IL20RB: variants seen among roughly 807,000 people sequenced by gnomAD.
IL20RB encodes the protein interleukin 20 receptor subunit beta.
In IL20RB, 21 loss-of-function variants were observed where a neutral mutation model predicts 33.3. The observed-to-expected ratio is 0.63, with a 90% CI of 0.45 to 0.91. IL20RB has a LOEUF of 0.91. Ranked by LOEUF, IL20RB falls within the 40% of genes least tolerant of loss-of-function variation. IL20RB has a pLI of 0.00. For synonymous variants in IL20RB, 147 were observed against 146.8 expected (o/e 1.00, Z -0.01); for missense variants, 345 against 384.8 (o/e 0.90, Z 0.86).
At chr3:136,970,899 G>A (rs1020539122) in intron 1 of IL20RB, among the ~76,000 whole-genome samples, 11 of 151,976 alleles carry the variant, frequency 7.2e-5, no homozygotes, top group Non-Finnish European at 1.3e-4. Context: ...TGATCCGCCC[G>A]GCTCGGCCTC....
At chr3:137,009,343 A>G (rs1286610450) in intron 6 of IL20RB, among the ~76,000 whole-genome samples, 1 of 152,184 alleles carries the variant, frequency 6.6e-6, no homozygotes, top group Non-Finnish European at 1.5e-5. Flanking sequence ...TGATGTCTGC[A>G]TGTTTATAAC....
At chr3:136,973,528 A>G (rs1941542245) in intron 1 of IL20RB, among the ~76,000 whole-genome samples, 2 of 152,102 alleles carry the variant, frequency 1.3e-5, no homozygotes, top group African/African-American at 4.8e-5. Flanking sequence ...AAAAGAATAT[A>G]TATTCTGCAG....
chr3:137,005,557 C>T (rs745745894), intron 6 of IL20RB, among the ~76,000 whole-genome samples: 2 of 151,986 alleles, frequency 1.3e-5, no homozygotes, highest in African/African-American at 2.4e-5. Flanking sequence ...GTTGGTTTAA[C>T]GTCTGTTTTA....
intron 6 of IL20RB, among the ~76,000 whole-genome samples, chr3:137,002,324 T>C (rs890634187): frequency 1.3e-5 from 2 of 152,130 alleles, no homozygotes; most frequent in Non-Finnish European, 2.9e-5. Flanking sequence ...GGTAACTATA[T>C]TTCTAGATCC....
intron 3 of IL20RB, among the ~76,000 whole-genome samples, chr3:136,984,400 T>C (rs1315268392): frequency 2.0e-5 from 3 of 151,718 alleles, no homozygotes; most frequent in African/African-American, 4.8e-5. Flanking sequence ...GAGGATTGCA[T>C]GGAGGTAGGA....
At chr3:136,990,017 A>T (rs554264926) in intron 4 of IL20RB, among the ~76,000 whole-genome samples, 7 of 152,178 alleles carry the variant, frequency 4.6e-5, no homozygotes, top group African/African-American at 1.7e-4. Flanking sequence ...GCAGGGATCC[A>T]GGAGTTGGCT....
At chr3:137,000,185 G>A (rs745865676) in intron 6 of IL20RB, among the ~76,000 whole-genome samples, 5 of 152,164 alleles carry the variant, frequency 3.3e-5, no homozygotes, top group Non-Finnish European at 5.9e-5. Context: ...TTAGAAGAAA[G>A]ACTCAACTTT....
At position 136,989,540 on chromosome 3, in the gene IL20RB, A is replaced by G. The variant is rs749392436; in HGVS notation, c.506A>G (p.Tyr169Cys). 3.1e-6 allele frequency: 5 copies of G among 1,613,946 alleles called. No homozygotes were observed. The highest frequency in any genetic ancestry group is 1.3e-5 in the African/African-American group (1 of 75,036). Residue 169 changes from tyrosine to cysteine, a missense_variant, in exon 4 of 7, where the codon TAC becomes TGC. Coordinates refer to ENST00000329582, the MANE Select transcript of IL20RB (RefSeq NM_144717.4). Reference sequence around the variant, plus strand: ...CCCCAGTTTGAGTTCCTTGTGGCCTACTGGAGGAGGGAGCCTGGTGCCGAG... The same window carrying G: ...CCCCAGTTTGAGTTCCTTGTGGCCTGCTGGAGGAGGGAGCCTGGTGCCGAG... ...LGPQFEFLVA[Y>C]WRREPGAEEH...
intron 5 of IL20RB, among the ~76,000 whole-genome samples, 197 bp from the exon 6 acceptor site, chr3:136,995,217 C>A (rs1560075384): frequency 2.0e-5 from 3 of 152,186 alleles, no homozygotes; most frequent in Admixed American, 6.5e-5. Context: ...GGAAACCATG[C>A]CTTCATCTGG....
Position 136,982,229 on chromosome 3 carries a change from T to G in IL20RB, c.285T>G (p.Pro95=), listed in dbSNP as rs1941792354. The stretch of plus-strand genomic sequence containing the variant: ...GCTGGTGCTCACTCACTGAAGGTCC[T>G]GAGTGTGATGTCACTGATGACATCA... ...PSSWCSLTEG[P]ECDVTDDITA... Residue 95 remains proline, a synonymous_variant, in exon 3 of 7, where the codon CCT becomes CCG. Coordinates refer to ENST00000329582, the MANE Select transcript of IL20RB (RefSeq NM_144717.4). The G allele has an allele frequency of 6.2e-7, 1 of 1,609,802 alleles. No individual in the cohort carries two copies. Among genetic ancestry groups the G allele is most frequent in the African/African-American group, 1.3e-5 (1 of 74,854 alleles).
At chr3:136,988,513 G>A (rs1274468479) in intron 3 of IL20RB, among the ~76,000 whole-genome samples, 1 of 152,170 alleles carries the variant, frequency 6.6e-6, no homozygotes, top group Non-Finnish European at 1.5e-5. Flanking sequence ...CTCGAGGTGG[G>A]CGAACTGCTT....
At chr3:136,979,337 A>G (rs1941711085) in intron 1 of IL20RB, among the ~76,000 whole-genome samples, 1 of 152,210 alleles carries the variant, frequency 6.6e-6, no homozygotes, top group South Asian at 2.1e-4. Flanking sequence ...CTTTGTGGTC[A>G]CAGGGCTTGA....
At chr3:136,998,271 A>G (rs952702031) in intron 6 of IL20RB, among the ~76,000 whole-genome samples, 1 of 151,414 alleles carries the variant, frequency 6.6e-6, no homozygotes, top group Non-Finnish European at 1.5e-5. Flanking sequence ...GAGTTACAAT[A>G]TACATATTCT....
At chr3:136,987,660 C>T (rs894389725) in intron 3 of IL20RB, among the ~76,000 whole-genome samples, 4 of 152,104 alleles carry the variant, frequency 2.6e-5, no homozygotes, top group Non-Finnish European at 4.4e-5. Context: ...CGGGGAGGCT[C>T]GGGCCGCACA....
At chr3:136,963,537 C>G (rs1452901599) in intron 1 of IL20RB, among the ~76,000 whole-genome samples, 1 of 152,130 alleles carries the variant, frequency 6.6e-6, no homozygotes, top group East Asian at 1.9e-4. Flanking sequence ...TCCCTAATAG[C>G]TAATAGTGTG....
At chr3:136,971,468 C>T (rs1560066657) in intron 1 of IL20RB, among the ~76,000 whole-genome samples, 4 of 152,202 alleles carry the variant, frequency 2.6e-5, no homozygotes, top group Non-Finnish European at 5.9e-5. Context: ...ATTTAACCTA[C>T]GTCTCTTCAT....
At chr3:136,958,736 A>G (rs561469915) in intron 1 of IL20RB, among the ~76,000 whole-genome samples, 1 of 152,224 alleles carries the variant, frequency 6.6e-6, no homozygotes, top group Non-Finnish European at 1.5e-5. Flanking sequence ...GTGAGATTAC[A>G]TAGTTTTCTC....
At chr3:136,960,662 G>A (rs375802913) in intron 1 of IL20RB, among the ~76,000 whole-genome samples, 38 of 152,268 alleles carry the variant, frequency 2.5e-4, no homozygotes, top group South Asian at 6.2e-4. Flanking sequence ...CCACACATTA[G>A]GGATAGAGAC....
rs528852107 is a variant in IL20RB at position 137,004,550 on chromosome 3, C to T, written c.826-5563C>T. 9.3e-3 allele frequency among the ~76,000 whole-genome samples: 1,417 copies of T among 152,202 alleles called. 7 individuals are homozygous for T. Among genetic ancestry groups the T allele is most frequent in the Non-Finnish European group, 0.015 (1,010 of 68,006 alleles). ...TCTTCTAGATTTTCTAGTTTATTTG[C>T]GTAGAGGTGTTTATAGTATTCTCTG... On this transcript the variant is annotated intron_variant, in intron 6 of 6. Coordinates refer to ENST00000329582, the MANE Select transcript of IL20RB (RefSeq NM_144717.4).
Sources: gnomAD v4.1 joint callset for allele counts (sites outside exome capture counted in the v4.1 genomes callset) on GRCh38, gnomAD v4.1.1 for gene constraint, MANE v1.5 for transcripts, NCBI Gene and HGNC (gene_info 2026-07-23, HGNC 2026-07-21) for gene names.